PTPRH: variants seen among roughly 807,000 people sequenced by gnomAD.
PTPRH encodes the protein receptor-type tyrosine-protein phosphatase H.
In PTPRH, 113 loss-of-function variants were observed where a neutral mutation model predicts 130.2. The ratio of observed to expected loss-of-function variants is 0.87; its 90% confidence interval spans 0.75 to 1.01. The LOEUF is 1.01. Ranked by LOEUF, PTPRH falls within the 50% of genes least tolerant of loss-of-function variation. PTPRH has a pLI of 0.00. For synonymous variants in PTPRH, 556 were observed against 577.9 expected (o/e 0.96, Z 0.54); for missense variants, 1,430 against 1,425.0 (o/e 1.00, Z -0.06).
At position 55,197,282 on chromosome 19, in the gene PTPRH, G is replaced by A. The variant is rs148264898; in HGVS notation, c.1825C>T (p.Arg609Trp). 67 of 1,614,216 alleles carry A rather than the reference G, an allele frequency of 4.2e-5. No homozygotes were observed. Among genetic ancestry groups the A allele is most frequent in the East Asian group, 3.3e-4 (15 of 44,886 alleles). ...TTCGCTTGGGGATCTTGCCCCCTCCGGGGATGTCCCTTGCTGGCCCACTGG... is the reference window on the plus strand; with the variant it reads ...TTCGCTTGGGGATCTTGCCCCCTCCAGGGATGTCCCTTGCTGGCCCACTGG... Reference protein sequence around the residue: ...WVQWASKGHPRRGQDPQANWV... With the variant: ...WVQWASKGHPWRGQDPQANWV... Residue 609 changes from arginine to tryptophan, a missense_variant, in exon 9 of 20, where the codon CGG (arginine) becomes TGG (tryptophan). Coordinates refer to ENST00000376350, the MANE Select transcript of PTPRH (RefSeq NM_002842.5).
At chr19:55,186,829 G>C (rs1051489548) in intron 14 of PTPRH, among the ~76,000 whole-genome samples, 2 of 152,086 alleles carry the variant, frequency 1.3e-5, no homozygotes, top group Non-Finnish European at 2.9e-5. Flanking sequence ...TGGATCACCT[G>C]AGGTCAGGAA....
At chr19:55,200,933 A>T (rs1294872965) in intron 6 of PTPRH, among the ~76,000 whole-genome samples, 3 of 149,946 alleles carry the variant, frequency 2.0e-5, no homozygotes, top group Non-Finnish European at 4.4e-5. Flanking sequence ...ACACAGCGAG[A>T]CTCCGTCTCA....
intron 6 of PTPRH, among the ~76,000 whole-genome samples, chr19:55,201,295 T>G (rs946777991): frequency 6.6e-6 from 1 of 151,998 alleles, no homozygotes; most frequent in Non-Finnish European, 1.5e-5. Flanking sequence ...GCGGATTGCT[T>G]CAGCCCAGGA....
chr19:55,182,167 G>A lies in PTPRH; in HGVS notation c.3063-16C>T. The A allele has an allele frequency of 6.2e-7, 1 of 1,612,180 alleles. No individual in the cohort carries two copies. Among genetic ancestry groups the A allele is most frequent in the Non-Finnish European group, 8.5e-7 (1 of 1,179,710 alleles). ...CACGCCAGCACTAGGCAGAACAAGG[G>A]AAGGGTCAGACCAAGGGGCAGGAGT... On this transcript the variant is annotated splice_polypyrimidine_tract_variant and intron_variant, in intron 18 of 19. Coordinates refer to ENST00000376350, the MANE Select transcript of PTPRH (RefSeq NM_002842.5).
At position 55,205,559 on chromosome 19, in the gene PTPRH, G is replaced by A. The variant is rs2087022166; in HGVS notation, c.386C>T (p.Ala129Val). 1 of 1,614,114 alleles carries A rather than the reference G, an allele frequency of 6.2e-7. No homozygotes were observed. Among genetic ancestry groups the A allele is most frequent in the Non-Finnish European group, 8.5e-7 (1 of 1,180,054 alleles). The change falls in exon 4 of 20, where the codon GCT becomes GTT. Residue 129 changes from alanine (A) to valine (V), a missense_variant. Physicochemically the swap from Ala to Val is moderately conservative, Grantham distance 64. Transcript: ENST00000376350. ...PNPVRNLRVE[A>V]QTNSSIALTW... is the part of the protein sequence containing the mutation. ...CAGGGCGATGGAGCTGTTGGTCTGAGCCTCCACTCTCAGGTTCCTCACTGG... is the reference window on the plus strand; with the variant it reads ...CAGGGCGATGGAGCTGTTGGTCTGAACCTCCACTCTCAGGTTCCTCACTGG...
At chr19:55,207,309 A>G (rs2087102325) in intron 1 of PTPRH, 110 bp from the exon 2 acceptor site, 2 of 1,239,916 alleles carry the variant, frequency 1.6e-6, no homozygotes, top group African/African-American at 1.5e-5. Context: ...TCACCCTTGC[A>G]TGGGAAGGAG....
At chr19:55,187,454 G>T in intron 14 of PTPRH, 59 bp downstream of exon 14, 1 of 1,412,472 alleles carries the variant, frequency 7.1e-7, no homozygotes, top group South Asian at 1.2e-5. Flanking sequence ...GAAGGGGACT[G>T]GGGTGGGGTG....
chr19:55,202,380 G>C, intron 5 of PTPRH, 58 bp from the exon 6 acceptor site: 1 of 1,597,880 alleles, frequency 6.3e-7, no homozygotes, highest in Non-Finnish European at 8.5e-7. Context: ...AAACTTTCCA[G>C]CCCTTCCTTA....
chr19:55,186,669 C>T (rs537635937), intron 14 of PTPRH, 129 bp from the exon 15 acceptor site: 68 of 366,066 alleles, frequency 1.9e-4, no homozygotes, highest in African/African-American at 4.3e-4. Context: ...CATGCCGAGA[C>T]GCAGGCAGAC....
In PTPRH at chr19:55,191,551, G is replaced by C; in HGVS notation, c.2337-3C>G. ...GTTTCTGCTGCTTCTTCTTATTCCT[G>C]GGAAAAGGACGTTAGGATGAGAGGC... On this transcript the variant is annotated splice_region_variant and splice_polypyrimidine_tract_variant and intron_variant, in intron 11 of 19. Transcript: ENST00000376350. 5 of 1,614,140 alleles carry C rather than the reference G, an allele frequency of 3.1e-6. No individual in the cohort carries two copies. The highest frequency in any genetic ancestry group is 4.2e-6 in the Non-Finnish European group (5 of 1,180,002).
rs900216036 is a variant in PTPRH, at chr19:55,191,749, G to C, written c.2258-8C>G. 41 of 1,611,998 alleles carry C rather than the reference G, an allele frequency of 2.5e-5. No individual in the cohort carries two copies. The highest frequency in any genetic ancestry group is 3.2e-5 in the Non-Finnish European group (38 of 1,178,326). ...AGGCTCCGGCAATGACCCCTGTGGG[G>C]AGGAGGCATCGGGAACCCTCAGAGC... On this transcript the variant is annotated splice_region_variant and splice_polypyrimidine_tract_variant and intron_variant, in intron 10 of 19. Coordinates refer to ENST00000376350, the MANE Select transcript of PTPRH (RefSeq NM_002842.5).
In PTPRH at chr19:55,190,302, G is replaced by A. The variant is rs188097042; in HGVS notation, c.2384+1199C>T. ...GTAGAATTGCTTGAACCCGGGAGGC[G>A]GAGGTTGCGGTGAGCCGAGATCATG... On this transcript the variant is annotated intron_variant, in intron 12 of 19. Coordinates refer to ENST00000376350, the MANE Select transcript of PTPRH (RefSeq NM_002842.5). Among the ~76,000 whole-genome samples the A allele has an allele frequency of 8.0e-3, 1,193 of 149,568 alleles. 11 individuals carry two copies. Among genetic ancestry groups the A allele is most frequent in the African/African-American group, 0.026 (1,063 of 40,710 alleles).
chr19:55,199,758 A>AAAGG (rs59828196), intron 7 of PTPRH, among the ~76,000 whole-genome samples: 4 of 108,404 alleles, frequency 3.7e-5, no homozygotes, highest in African/African-American at 1.5e-4. Flanking sequence ...GGAAAGAAAG[A>AAAGG]GAAAGAGAAA....
At chr19:55,186,125 C>A in intron 16 of PTPRH, 100 bp downstream of exon 16, 1 of 1,570,616 alleles carries the variant, frequency 6.4e-7, no homozygotes, top group Non-Finnish European at 8.7e-7. Flanking sequence ...CTGGGGTTAC[C>A]CTGGAGGAAT....
At chr19:55,199,485 G>A (rs536067338) in intron 7 of PTPRH, among the ~76,000 whole-genome samples, 1 of 152,040 alleles carries the variant, frequency 6.6e-6, no homozygotes, top group African/African-American at 2.4e-5. Flanking sequence ...CGTGCCTGTT[G>A]TCACAGCTAC....
rs1332600131 is a variant in PTPRH, at chr19:55,202,234, T to C, written c.975A>G (p.Pro325=). 6.2e-7 allele frequency: 1 copy of C among 1,614,158 alleles called. No homozygotes were observed. The highest frequency in any genetic ancestry group is 1.1e-5 in the South Asian group (1 of 91,080). Residue 325 remains proline (P), a synonymous_variant, in exon 6 of 20, where the codon CCA becomes CCG. Coordinates refer to ENST00000376350, the MANE Select transcript of PTPRH (RefSeq NM_002842.5). The part of the protein sequence containing the change: ...LTWEVPDGPD[P]QNSTYGVEYT... ...ACTCAACCCCGTAGGTGGAGTTCTGTGGGTCTGGGCCATCGGGGACCTCCC... is the reference window on the plus strand; with the variant it reads ...ACTCAACCCCGTAGGTGGAGTTCTGCGGGTCTGGGCCATCGGGGACCTCCC...
At chr19:55,206,646 T>C (rs2122352050) in intron 3 of PTPRH, 43 bp downstream of exon 3, 1 of 1,533,386 alleles carries the variant, frequency 6.5e-7, no homozygotes, top group East Asian at 2.3e-5. Flanking sequence ...CCTACCACTG[T>C]CCTTATAAAA....
Position 55,181,582 on chromosome 19 carries a change from A to G in PTPRH, c.*172T>C. Reference sequence around the variant, plus strand: ...CCCAGCTCCCATAGGACTCATCTGAAGCCCACCAGACCACTCTCTCCTGGG... The same window carrying G: ...CCCAGCTCCCATAGGACTCATCTGAGGCCCACCAGACCACTCTCTCCTGGG... On this transcript the variant is annotated 3_prime_UTR_variant, in exon 20 of 20. Coordinates refer to ENST00000376350, the MANE Select transcript of PTPRH (RefSeq NM_002842.5). 1 of 842,118 alleles carries G rather than the reference A, an allele frequency of 1.2e-6. No individual in the cohort carries two copies. The highest frequency in any genetic ancestry group is 3.7e-4 in the Middle Eastern group (1 of 2,670). 52.2% of individuals were successfully genotyped at this position (842,118 alleles called of 1,614,324 possible). A position where few individuals can be genotyped will look rare whatever the true frequency, so the allele number is the denominator to read the frequency against.
Position 55,188,180 on chromosome 19 carries a change from G to C in PTPRH, c.2385-12C>G, listed in dbSNP as rs1049086032. The C allele has an allele frequency of 1.2e-6, 2 of 1,606,186 alleles. No homozygotes were observed. Among genetic ancestry groups the C allele is most frequent in the African/African-American group, 1.3e-5 (1 of 74,852 alleles). ...TGTCCCCTGGGGAGCTACGGGTTTT[G>C]GGGGAGCAGGGAGAAAAGACCGTAA... is the stretch of plus-strand genomic sequence containing the variant. On this transcript the variant is annotated splice_polypyrimidine_tract_variant and intron_variant, in intron 12 of 19. Coordinates refer to ENST00000376350, the MANE Select transcript of PTPRH (RefSeq NM_002842.5).
Sources: gnomAD v4.1 joint callset for allele counts (sites outside exome capture counted in the v4.1 genomes callset) on GRCh38, gnomAD v4.1.1 for gene constraint, MANE v1.5 for transcripts, NCBI Gene and HGNC (gene_info 2026-07-23, HGNC 2026-07-21) for gene names.